Variants in CACNA2D2 observed in about 807,000 individuals in gnomAD.
The protein encoded by CACNA2D2 is voltage-dependent calcium channel subunit alpha-2/delta-2.
In CACNA2D2, 48 loss-of-function variants were observed where a neutral mutation model predicts 166.4. The observed-to-expected ratio is 0.29, with a 90% confidence interval of 0.23 to 0.37. The LOEUF (loss-of-function observed/expected upper bound fraction) is 0.37, where lower values mean the gene tolerates loss of function less well. Ranked by LOEUF, CACNA2D2 falls within the 10% of genes least tolerant of loss-of-function variation. CACNA2D2 has a pLI of 1.00. For missense variants in CACNA2D2, 1,122 were observed against 1,433.0 expected, an observed-to-expected ratio of 0.78 and a Z score of 3.50; for synonymous variants, 561 against 573.7, an observed-to-expected ratio of 0.98 and a Z score of 0.32.
At chr3:50,415,305 G>A (rs890687744) in intron 3 of CACNA2D2, among the ~76,000 whole-genome samples, 1 of 152,208 alleles carries the variant, frequency 6.6e-6, no homozygotes, top group Non-Finnish European at 1.5e-5. Flanking sequence ...AGAGAGCTGA[G>A]CCCCGTGTGG....
At chr3:50,378,769 G>A (rs976818010) in intron 13 of CACNA2D2, 146 bp downstream of exon 13, 23 of 936,690 alleles carry the variant, frequency 2.5e-5, no homozygotes, top group Admixed American at 2.0e-5. Context: ...CAGATAGAGT[G>A]AGGGACAGCC....
intron 3 of CACNA2D2, among the ~76,000 whole-genome samples, chr3:50,420,163 G>A (rs773040389): frequency 3.9e-5 from 6 of 152,246 alleles, no homozygotes; most frequent in Non-Finnish European, 7.3e-5. Flanking sequence ...GAGAATTCAC[G>A]TCCTGACATC....
chr3:50,389,528 G>A (rs1034269590), intron 4 of CACNA2D2, among the ~76,000 whole-genome samples: 2 of 152,188 alleles, frequency 1.3e-5, no homozygotes, highest in Non-Finnish European at 2.9e-5. Flanking sequence ...ACAGGTGGGG[G>A]CTGGTCACTT....
intron 1 of CACNA2D2, among the ~76,000 whole-genome samples, chr3:50,494,797 C>G (rs994124276): frequency 6.6e-6 from 1 of 152,188 alleles, no homozygotes; most frequent in African/African-American, 2.4e-5. Context: ...ACCTCAACCT[C>G]CTGAGTAGCT....
At chr3:50,451,670 C>T (rs1709111303) in intron 2 of CACNA2D2, among the ~76,000 whole-genome samples, 3 of 152,198 alleles carry the variant, frequency 2.0e-5, no homozygotes, top group Non-Finnish European at 4.4e-5. Flanking sequence ...TCTCCCATTT[C>T]CTCAAACCTG....
At chr3:50,454,694 C>A (rs1709270255) in intron 2 of CACNA2D2, among the ~76,000 whole-genome samples, 1 of 152,056 alleles carries the variant, frequency 6.6e-6, no homozygotes, top group African/African-American at 2.4e-5. Flanking sequence ...ACTCGGTGAG[C>A]TAAAAAAAAA....
Position 50,394,165 on chromosome 3 carries a change from G to A in CACNA2D2, c.409C>T (p.Leu137=), listed in dbSNP as rs1231859394. 1.9e-6 allele frequency: 3 copies of A among 1,614,000 alleles called. No homozygotes were observed. Among genetic ancestry groups the A allele is most frequent in the East Asian group, 2.2e-5 (1 of 44,882 alleles). ...LDRKVQALKR[L]ADAAENFQKA... ...TGGAAGTTCTCTGCAGCATCAGCCA[G>A]TCTCTGAGGGACAGAGCACAGGGAG... Residue 137 remains leucine, a synonymous_variant, in exon 4 of 38, where the codon CTG becomes TTG. Transcript: ENST00000424201.
intron 3 of CACNA2D2, among the ~76,000 whole-genome samples, chr3:50,411,607 G>A (rs1707019989): frequency 6.6e-6 from 1 of 152,166 alleles, no homozygotes; most frequent in Admixed American, 6.5e-5. Flanking sequence ...CAATCATAGG[G>A]GCACAAGGCT....
At chr3:50,396,264 C>T (rs1011407371) in intron 3 of CACNA2D2, among the ~76,000 whole-genome samples, 14 of 152,164 alleles carry the variant, frequency 9.2e-5, no homozygotes, top group Non-Finnish European at 1.8e-4. Flanking sequence ...CTCACACCAC[C>T]TCCTGTGCAC....
chr3:50,392,973 G>C (rs527494916), intron 4 of CACNA2D2, among the ~76,000 whole-genome samples: 2 of 152,280 alleles, frequency 1.3e-5, no homozygotes, highest in African/African-American at 4.8e-5. Flanking sequence ...CACCTGCCAG[G>C]GGTAAAGGAA....
chr3:50,447,934 C>T (rs778429114), intron 2 of CACNA2D2, among the ~76,000 whole-genome samples: 2 of 152,150 alleles, frequency 1.3e-5, no homozygotes, highest in African/African-American at 2.4e-5. Flanking sequence ...AGCAGGGAGC[C>T]CTCCTTTTTA....
chr3:50,378,442 CCT>C lies in CACNA2D2; in HGVS notation c.1340-111_1340-110del, dbSNP rs1705108150. The C allele has an allele frequency of 2.6e-6, 3 of 1,144,378 alleles. No homozygotes were observed. In the East Asian group the frequency reaches 7.7e-5, roughly 29 times the overall value. 70.9% of individuals were successfully genotyped at this position (1,144,378 alleles called of 1,614,324 possible). ...GCAGCCCTGCCTCGCCTCTTGGGCT[CCT>C]CTCTTTTTGGGGTCCTCTCCCTCTA... is the stretch of plus-strand genomic sequence containing the variant. On this transcript the variant is annotated intron_variant, in intron 13 of 37. Coordinates refer to ENST00000424201, the MANE Select transcript of CACNA2D2 (RefSeq NM_006030.4).
chr3:50,422,932 GA>G (rs1707644629), intron 3 of CACNA2D2, among the ~76,000 whole-genome samples: 1 of 152,252 alleles, frequency 6.6e-6, no homozygotes, highest in Admixed American at 6.5e-5. Context: ...GCGGCCAACA[GA>G]CCTGGTCCCT....
rs199634498 is a variant in CACNA2D2, at chr3:50,381,022, C to T, written c.757G>A (p.Ala253Thr). The T allele has an allele frequency of 1.9e-5, 31 of 1,613,824 alleles. No homozygotes were observed. The highest frequency in any genetic ancestry group is 2.2e-5 in the East Asian group (1 of 44,862). ...PTLLWQVFGSATGVTRYYPAT... is the reference protein window; with the variant it reads ...PTLLWQVFGSTTGVTRYYPAT... ...GGGTAGTAGCGAGTGACTCCTGTGG[C>T]GCTGCCGAAGACCTGCCACAGCAGT... The change falls in exon 7 of 38, where the codon GCC (alanine) becomes ACC (threonine). Residue 253 changes from alanine (A) to threonine (T), a missense_variant. By Grantham distance (58) the Ala-to-Thr change is moderately conservative. Coordinates refer to ENST00000424201, the MANE Select transcript of CACNA2D2 (RefSeq NM_006030.4).
chr3:50,408,204 G>T (rs985420306), intron 3 of CACNA2D2, among the ~76,000 whole-genome samples: 1 of 152,336 alleles, frequency 6.6e-6, no homozygotes, highest in Admixed American at 6.5e-5. Context: ...CCATGCCAGG[G>T]ATGGGCTCTG....
Position 50,375,138 on chromosome 3 carries a change from G to A in CACNA2D2, c.1908-325C>T, listed in dbSNP as rs1299561698. ...TGACCCACAAGGGGCAGACGCTGCC[G>A]TGAGCTGGCTGCAATGCCAGTGTTG... On this transcript the variant is annotated intron_variant, in intron 21 of 37. Coordinates refer to ENST00000424201, the MANE Select transcript of CACNA2D2 (RefSeq NM_006030.4). The surrounding 1 kb of genome is among the most constrained non-coding windows in gnomAD (Gnocchi z 4.0). 6.6e-6 allele frequency among the ~76,000 whole-genome samples: 1 copy of A among 152,192 alleles called. No homozygotes were observed. The highest frequency in any genetic ancestry group is 1.5e-5 in the Non-Finnish European group (1 of 68,016).
At chr3:50,472,768 C>T (rs1287461761) in intron 2 of CACNA2D2, among the ~76,000 whole-genome samples, 1 of 152,138 alleles carries the variant, frequency 6.6e-6, no homozygotes, top group Admixed American at 6.5e-5. Flanking sequence ...TCCTCCCCAC[C>T]CCCATTCCCC....
Position 50,366,443 on chromosome 3 carries a change from C to T in CACNA2D2, c.2638-105G>A. 2 of 1,470,356 alleles carry T rather than the reference C, an allele frequency of 1.4e-6. No homozygotes were observed. The highest frequency in any genetic ancestry group is 2.3e-5 in the East Asian group (1 of 44,124). The allele number at this position is 1,470,356 out of a possible 1,614,324, so 91.1% of individuals were successfully genotyped here. A position where few individuals can be genotyped will look rare whatever the true frequency, so the allele number is the denominator to read the frequency against. Reference sequence around the variant, plus strand: ...AGTTGGGGGGCATCACTCCCCCAGTCCTGGGAAGGCTGTGAAGTCAGGGTG... The same window carrying T: ...AGTTGGGGGGCATCACTCCCCCAGTTCTGGGAAGGCTGTGAAGTCAGGGTG... On this transcript the variant is annotated intron_variant, in intron 30 of 37. Transcript: ENST00000424201. This position sits in a 1 kb window ranked among gnomAD's most constrained non-coding sequence, Gnocchi z 5.9.
At chr3:50,441,150 G>A (rs143724287) in intron 2 of CACNA2D2, among the ~76,000 whole-genome samples, 33 of 152,172 alleles carry the variant, frequency 2.2e-4, no homozygotes, top group African/African-American at 5.3e-4. Context: ...GGAGGGACAT[G>A]TGACTGACCA....
Sources: gnomAD v4.1 joint callset for allele counts (sites outside exome capture counted in the v4.1 genomes callset) on GRCh38, gnomAD v4.1.1 for gene constraint, Gnocchi (gnomAD v3.1) non-coding constraint, MANE v1.5 for transcripts, NCBI Gene and HGNC (gene_info 2026-07-23, HGNC 2026-07-21) for gene names.